Variants in PRDM5 observed in about 807,000 individuals in gnomAD.
PRDM5 encodes PR/SET domain 5.
In PRDM5, 56 loss-of-function variants were observed where a neutral mutation model predicts 81.2. The observed-to-expected ratio is 0.69, with a 90% CI of 0.56 to 0.86. The LOEUF (loss-of-function observed/expected upper bound fraction) is 0.86, where lower values mean the gene tolerates loss of function less well. Among genes scored for constraint, PRDM5 ranks in the 40% least tolerant of loss-of-function variants. PRDM5 has a pLI of 0.00. For synonymous variants in PRDM5, 267 were observed against 256.4 expected, an observed-to-expected ratio of 1.04 and a Z score of -0.39; for missense variants, 697 against 770.1, an observed-to-expected ratio of 0.91 and a Z score of 1.12.
At chr4:120,783,231 T>A (rs1327409756) in intron 11 of PRDM5, among the ~76,000 whole-genome samples, 1 of 152,222 alleles carries the variant, frequency 6.6e-6, no homozygotes, top group East Asian at 1.9e-4. Flanking sequence ...TTTCCCATTC[T>A]TTTCACTAAC....
rs538315954 is a variant in PRDM5, at chr4:120,865,404, C to A, written c.178-11864G>T. On this transcript the variant is annotated intron_variant, in intron 2 of 15. Coordinates refer to ENST00000264808, the MANE Select transcript of PRDM5 (RefSeq NM_018699.4). ...TTGCTGAGTCAGCCTTGATATCAAT[C>A]CTGCTCCAACTCTAGTACCACAAAA... 1.1e-4 allele frequency among the ~76,000 whole-genome samples: 17 copies of A among 152,286 alleles called. No homozygotes were observed. In the East Asian group the frequency reaches 3.1e-3, roughly 28 times the overall value.
chr4:120,778,691 C>T (rs1008933784), intron 12 of PRDM5, among the ~76,000 whole-genome samples: 3 of 151,984 alleles, frequency 2.0e-5, no homozygotes, highest in South Asian at 4.2e-4. Flanking sequence ...AAAACACAAT[C>T]GAATCAACTA....
intron 14 of PRDM5, among the ~76,000 whole-genome samples, chr4:120,727,660 G>C (rs540688441): frequency 6.6e-6 from 1 of 152,256 alleles, no homozygotes; most frequent in South Asian, 2.1e-4. Flanking sequence ...GAAGGGCCAG[G>C]CACGGTGGCT....
intron 12 of PRDM5, 85 bp downstream of exon 12, chr4:120,781,058 T>C (rs557801236): frequency 8.7e-7 from 1 of 1,149,576 alleles, no homozygotes; most frequent in Admixed American, 2.0e-5. Flanking sequence ...TAGATTAATA[T>C]ATAATTATCA....
At chr4:120,792,035 A>G (rs1578750547) in intron 10 of PRDM5, among the ~76,000 whole-genome samples, 1 of 152,164 alleles carries the variant, frequency 6.6e-6, no homozygotes, top group African/African-American at 2.4e-5. Context: ...ACCCAGCCCA[A>G]GGTATTTTGT....
intron 14 of PRDM5, among the ~76,000 whole-genome samples, chr4:120,742,445 T>C (rs1422969485): frequency 1.3e-5 from 2 of 151,930 alleles, no homozygotes; most frequent in Non-Finnish European, 2.9e-5. Flanking sequence ...CTTTGACGAG[T>C]TGAGAGAAGA....
At chr4:120,760,330 C>G (rs1745419271) in intron 13 of PRDM5, among the ~76,000 whole-genome samples, 1 of 152,054 alleles carries the variant, frequency 6.6e-6, no homozygotes, top group Non-Finnish European at 1.5e-5. Context: ...TAAAGCAGTT[C>G]CCAAGTGAAT....
At chr4:120,838,939 C>G (rs1236393199) in intron 3 of PRDM5, 8 of 469,386 alleles carry the variant, frequency 1.7e-5, no homozygotes, top group South Asian at 3.1e-5. Flanking sequence ...GTCAGATATG[C>G]CGGCTGCTGC....
intron 2 of PRDM5, among the ~76,000 whole-genome samples, chr4:120,881,762 T>TA (rs915800742): frequency 4.1e-4 from 63 of 152,282 alleles, no homozygotes; most frequent in African/African-American, 1.5e-3. Flanking sequence ...AGCCAAAAAA[T>TA]AAAAAACCTA....
chr4:120,706,755 ATT>A (rs1006946841), intron 15 of PRDM5, among the ~76,000 whole-genome samples: 5 of 97,196 alleles, frequency 5.1e-5, no homozygotes, highest in African/African-American at 1.0e-4. Context: ...CATTATATAA[ATT>A]TTATATATAT....
chr4:120,704,685 C>T (rs1248155040), intron 15 of PRDM5, among the ~76,000 whole-genome samples: 1 of 152,166 alleles, frequency 6.6e-6, no homozygotes, highest in East Asian at 1.9e-4. Flanking sequence ...TTTGTAAAGT[C>T]ACAAGCATAG....
At chr4:120,846,785 T>C (rs979908211) in intron 3 of PRDM5, among the ~76,000 whole-genome samples, 2 of 152,178 alleles carry the variant, frequency 1.3e-5, no homozygotes, top group Non-Finnish European at 2.9e-5. Flanking sequence ...TTTTAAAGGT[T>C]ATTTTTACTG....
chr4:120,765,794 G>A (rs145957807), intron 13 of PRDM5, among the ~76,000 whole-genome samples: 2,997 of 152,236 alleles, frequency 0.02, 39 homozygotes, highest in Middle Eastern at 0.034. Context: ...AGTGTATCAA[G>A]GGAGTATGAA....
intron 14 of PRDM5, among the ~76,000 whole-genome samples, chr4:120,753,130 C>G (rs1561094067): frequency 6.6e-6 from 1 of 152,114 alleles, no homozygotes. Flanking sequence ...TCACTAGTTT[C>G]TATTAAGAGG....
chr4:120,777,097 A>G lies in PRDM5; in HGVS notation c.1537+91T>C, dbSNP rs142408047. On this transcript the variant is annotated intron_variant, in intron 13 of 15. Transcript: ENST00000264808. ...CAGCCAAGATTAATTCTTAATCTGG[A>G]AGATATTTGTATTATTACAATATTT... 9.4e-5 allele frequency: 151 copies of G among 1,602,754 alleles called. No individual in the cohort carries two copies. In the East Asian group the frequency reaches 3.1e-3, roughly 33 times the overall value.
At chr4:120,892,566 C>G (rs1464261420) in intron 2 of PRDM5, among the ~76,000 whole-genome samples, 3 of 152,292 alleles carry the variant, frequency 2.0e-5, no homozygotes, top group Admixed American at 1.3e-4. Flanking sequence ...CATATCCTTG[C>G]CAGGTCAGCC....
intron 15 of PRDM5, among the ~76,000 whole-genome samples, chr4:120,703,970 A>C (rs1180060344): frequency 6.6e-6 from 1 of 152,234 alleles, no homozygotes; most frequent in Non-Finnish European, 1.5e-5. Context: ...GTTCTCAGAC[A>C]GTTCAGCTTG....
chr4:120,807,088 C>T (rs1753090951), intron 8 of PRDM5, among the ~76,000 whole-genome samples: 1 of 152,178 alleles, frequency 6.6e-6, no homozygotes, highest in Non-Finnish European at 1.5e-5. Context: ...AGCCAACAGA[C>T]ACATGAAAAA....
intron 14 of PRDM5, among the ~76,000 whole-genome samples, chr4:120,719,261 C>T (rs1417197890): frequency 4.6e-5 from 7 of 152,222 alleles, no homozygotes; most frequent in Admixed American, 4.6e-4. Context: ...ACCACAGAAA[C>T]ACTATAGACA....
Sources: gnomAD v4.1 joint callset for allele counts (sites outside exome capture counted in the v4.1 genomes callset) on GRCh38, gnomAD v4.1.1 for gene constraint, MANE v1.5 for transcripts, NCBI Gene and HGNC (gene_info 2026-07-23, HGNC 2026-07-21) for gene names.